KIF1B: variants seen among roughly 807,000 people sequenced by gnomAD.
KIF1B encodes the protein kinesin-like protein KIF1B.
KIF1B carries 76 observed loss-of-function variants against 241.9 expected under a neutral mutation model. That is an observed-to-expected ratio of 0.31 (90% CI 0.26 to 0.38). KIF1B has a LOEUF of 0.38. Among genes scored for constraint, KIF1B ranks in the 10% least tolerant of loss-of-function variants. The probability of loss-of-function intolerance (pLI) is 1.00; values close to 1 mark genes in which losing one functional copy is unlikely to be tolerated. For missense variants in KIF1B, 1,622 were observed against 2,271.4 expected (o/e 0.71, Z 5.81); for synonymous variants, 750 against 796.7 (o/e 0.94, Z 0.99).
intron 27 of KIF1B, among the ~76,000 whole-genome samples, chr1:10,330,211 G>A (rs1651871350): frequency 6.6e-6 from 1 of 152,158 alleles, no homozygotes. Context: ...CTTCAGAATA[G>A]AATGTTTATA....
intron 44 of KIF1B, among the ~76,000 whole-genome samples, chr1:10,370,208 C>T (rs1638690471): frequency 6.6e-6 from 1 of 152,224 alleles, no homozygotes; most frequent in Non-Finnish European, 1.5e-5. Flanking sequence ...CAAGATCGCA[C>T]CACTGCACTC....
chr1:10,374,445 T>C lies in KIF1B; in HGVS notation c.5076T>C (p.Asp1692=). 1 of 1,614,202 alleles carries C rather than the reference T, an allele frequency of 6.2e-7. No individual in the cohort carries two copies. The change falls in exon 46 of 49, where the codon GAT becomes GAC. Residue 1692 remains aspartate (D), a synonymous_variant. Transcript: ENST00000676179. This position sits in a 1 kb window ranked among gnomAD's most constrained non-coding sequence, Gnocchi z 4.3. The part of the protein sequence containing the change: ...GKNEFLNLVP[D]IEEIRPSSVV... ...ACGAATTTCTCAATCTTGTTCCAGA[T>C]ATTGAAGAAATTAGACCAAGGTGAG...
At chr1:10,214,572 G>A (rs1646737708) in intron 1 of KIF1B, among the ~76,000 whole-genome samples, 1 of 148,826 alleles carries the variant, frequency 6.7e-6, no homozygotes, top group African/African-American at 2.5e-5. Flanking sequence ...ACAGGCATGA[G>A]CCACCGTGCC....
chr1:10,268,080 T>A (rs1211701591), intron 6 of KIF1B, 72 bp from the exon 7 acceptor site: 1 of 916,148 alleles, frequency 1.1e-6, no homozygotes, highest in Non-Finnish European at 1.8e-6. Context: ...GCTTATAATG[T>A]GGAGCCTGCT....
intron 2 of KIF1B, among the ~76,000 whole-genome samples, chr1:10,249,756 A>C (rs868519024): frequency 1.3e-5 from 2 of 152,168 alleles, no homozygotes; most frequent in Non-Finnish European, 2.9e-5. Context: ...TAAACAAATT[A>C]GCCGTGCATG....
intron 27 of KIF1B, 70 bp from the exon 28 acceptor site, chr1:10,334,450 C>T (rs1557720586): frequency 1.8e-6 from 2 of 1,136,496 alleles, no homozygotes; most frequent in South Asian, 1.2e-5. Flanking sequence ...AAGATGTTCT[C>T]AGTGAATCTG....
chr1:10,361,441 A>G (rs1003388816), intron 39 of KIF1B, among the ~76,000 whole-genome samples: 5 of 152,172 alleles, frequency 3.3e-5, no homozygotes, highest in African/African-American at 1.2e-4. Context: ...TCCTTGGAGA[A>G]ACTCTCTTTG....
At chr1:10,240,906 G>C (rs1647127704) in intron 2 of KIF1B, among the ~76,000 whole-genome samples, 1 of 151,640 alleles carries the variant, frequency 6.6e-6, no homozygotes, top group African/African-American at 2.4e-5. Flanking sequence ...TTCAGTAGCT[G>C]CTTAATATTG....
chr1:10,238,880 C>T (rs921616313), intron 2 of KIF1B, among the ~76,000 whole-genome samples: 2 of 152,128 alleles, frequency 1.3e-5, no homozygotes, highest in Admixed American at 1.3e-4. Flanking sequence ...CATCTGTATT[C>T]TTACCTCCTT....
At position 10,237,701 on chromosome 1, in the gene KIF1B, A is replaced by G. The variant is rs570937588; in HGVS notation, c.106+5267A>G. Among the ~76,000 whole-genome samples, 26 of 152,244 alleles carry G rather than the reference A, an allele frequency of 1.7e-4. No individual in the cohort carries two copies. The South Asian group carries it at 4.8e-3, about 28-fold the overall frequency. On this transcript the variant is annotated intron_variant, in intron 2 of 48. Coordinates refer to ENST00000676179, the MANE Select transcript of KIF1B (RefSeq NM_001365951.3). ...CGTAACTGATACAAATAATGATTTC[A>G]TGTCCACTATTGAAAATTTGGGGGG...
At chr1:10,234,524 T>TGTTC (rs1647024432) in intron 2 of KIF1B, among the ~76,000 whole-genome samples, 1 of 148,692 alleles carries the variant, frequency 6.7e-6, no homozygotes, top group South Asian at 2.1e-4. Flanking sequence ...TTTGTTTGTT[T>TGTTC]TTTCTTTTTT....
chr1:10,358,701 A>AC (rs1490354391), intron 38 of KIF1B, among the ~76,000 whole-genome samples: 2 of 151,666 alleles, frequency 1.3e-5, no homozygotes, highest in African/African-American at 4.9e-5. Flanking sequence ...AAAAAAAAAA[A>AC]CAGATCTCAC....
intron 22 of KIF1B, chr1:10,306,845 C>G: frequency 9.6e-7 from 1 of 1,036,912 alleles, no homozygotes; most frequent in Non-Finnish European, 1.2e-6. Context: ...TCTCATTTCC[C>G]TAACTTGAGA....
In KIF1B at chr1:10,334,603, G is replaced by A. The variant is rs755104684; in HGVS notation, c.3008G>A (p.Arg1003Gln). Residue 1003 changes from arginine to glutamine, a missense_variant, in exon 28 of 49, where the codon CGG becomes CAG. By Grantham distance (43) the Arg-to-Gln change is conservative (BLOSUM62 1). Coordinates refer to ENST00000676179, the MANE Select transcript of KIF1B (RefSeq NM_001365951.3). ...ATCGTCAGTGAGAAAGGTGAAGTGC[G>A]GGGATTTCTGCGTGTGGCTGTACAG... ...VAIVSEKGEV[R>Q]GFLRVAVQAI... The A allele has an allele frequency of 2.5e-6, 4 of 1,613,884 alleles. No homozygotes were observed. The highest frequency in any genetic ancestry group is 2.2e-5 in the East Asian group (1 of 44,888).
At chr1:10,358,837 T>G (rs1259273581) in intron 38 of KIF1B, among the ~76,000 whole-genome samples, 1 of 152,216 alleles carries the variant, frequency 6.6e-6, no homozygotes, top group African/African-American at 2.4e-5. Context: ...CATGAAGGGT[T>G]TCCTCCTGTG....
intron 25 of KIF1B, 105 bp from the exon 26 acceptor site, chr1:10,324,653 C>CTTTTTT: frequency 8.7e-7 from 1 of 1,145,370 alleles, no homozygotes; most frequent in Admixed American, 2.0e-5. Context: ...GGAGCAACTC[C>CTTTTTT]TTTTTTTTTT....
chr1:10,341,968 A>T, intron 32 of KIF1B, 82 bp from the exon 33 acceptor site: 1 of 913,600 alleles, frequency 1.1e-6, no homozygotes, highest in African/African-American at 1.8e-5. Flanking sequence ...AAAAAAAAAA[A>T]CCCAAAATAC....
intron 1 of KIF1B, among the ~76,000 whole-genome samples, chr1:10,211,186 C>T (rs912506859): frequency 2.0e-5 from 3 of 152,240 alleles, no homozygotes; most frequent in African/African-American, 4.8e-5. Context: ...GCTGCCTGGC[C>T]GTTCCCTGGG....
At chr1:10,333,004 G>A (rs919909963) in intron 27 of KIF1B, among the ~76,000 whole-genome samples, 2 of 150,750 alleles carry the variant, frequency 1.3e-5, no homozygotes, top group African/African-American at 4.9e-5. Flanking sequence ...TAGAGACAGT[G>A]TTTCGCCATG....
Sources: allele counts gnomAD v4.1 joint callset (sites outside exome capture counted in the v4.1 genomes callset), GRCh38; gene constraint gnomAD v4.1.1; non-coding constraint Gnocchi (gnomAD v3.1); transcripts MANE v1.5; gene names NCBI Gene and HGNC (gene_info 2026-07-23, HGNC 2026-07-21).